The following UBR3 variants were observed in gnomAD, a reference collection of about 807,000 sequenced individuals.
UBR3 encodes the protein E3 ubiquitin-protein ligase UBR3.
UBR3 carries 85 observed loss-of-function variants against 243.2 expected under a neutral mutation model. The observed-to-expected ratio is 0.35, with a 90% CI of 0.29 to 0.42. The LOEUF (loss-of-function observed/expected upper bound fraction) is 0.42, where lower values mean the gene tolerates loss of function less well. UBR3 is among the 10% of genes least tolerant of loss of function. The pLI is 1.00. For synonymous variants in UBR3, 748 were observed against 799.8 expected (o/e 0.94, Z 1.09); for missense variants, 1,686 against 2,300.8 (o/e 0.73, Z 5.47).
intron 24 of UBR3, among the ~76,000 whole-genome samples, chr2:169,983,596 G>C (rs1228029746): frequency 6.6e-6 from 1 of 152,066 alleles, no homozygotes; most frequent in African/African-American, 2.4e-5. Flanking sequence ...GTCAAGGCCA[G>C]CTGATATTCA....
At chr2:169,907,185 C>T (rs1192158766) in intron 10 of UBR3, among the ~76,000 whole-genome samples, 1 of 151,692 alleles carries the variant, frequency 6.6e-6, no homozygotes, top group Non-Finnish European at 1.5e-5. Flanking sequence ...TACAGGTGTG[C>T]ACCGGCACAC....
chr2:169,867,977 T>A (rs1277076917), intron 1 of UBR3, among the ~76,000 whole-genome samples: 2 of 152,198 alleles, frequency 1.3e-5, no homozygotes, highest in African/African-American at 4.8e-5. Flanking sequence ...ATTTAAAACA[T>A]ATATAAAAGC....
At chr2:169,902,643 T>G (rs2084872784) in intron 8 of UBR3, among the ~76,000 whole-genome samples, 1 of 149,500 alleles carries the variant, frequency 6.7e-6, no homozygotes, top group African/African-American at 2.5e-5. Flanking sequence ...GGAGCCTTGC[T>G]CTGTCACTTA....
At position 170,016,276 on chromosome 2, in the gene UBR3, G is replaced by A. The variant is rs2090234282; in HGVS notation, c.4453+910G>A. ...ATTTCTAACATAAAAGCAAACTTAT[G>A]TGAAATTTTAACTTGGTTATCTTTA... is the stretch of plus-strand genomic sequence containing the variant. On this transcript the variant is annotated intron_variant, in intron 30 of 38. Transcript: ENST00000272793. Among the ~76,000 whole-genome samples the A allele has an allele frequency of 2.0e-5, 3 of 151,940 alleles. No homozygotes were observed. The South Asian group carries it at 6.2e-4, about 31-fold the overall frequency.
chr2:169,956,203 ACTCTCTCTCT>A (rs34139919), intron 23 of UBR3, among the ~76,000 whole-genome samples: 2 of 145,888 alleles, frequency 1.4e-5, no homozygotes, highest in Non-Finnish European at 3.0e-5. Flanking sequence ...GACACCTATA[ACTCTCTCTCT>A]CTCTCTCTCT....
chr2:169,866,256 CAA>C (rs143250064), intron 1 of UBR3, among the ~76,000 whole-genome samples: 239 of 113,286 alleles, frequency 2.1e-3, no homozygotes, highest in East Asian at 6.6e-3. Flanking sequence ...GACTGTGTCT[CAA>C]AAAAAAAAAA....
intron 32 of UBR3, among the ~76,000 whole-genome samples, chr2:170,053,342 G>C (rs763020287): frequency 6.6e-6 from 1 of 152,098 alleles, no homozygotes; most frequent in Non-Finnish European, 1.5e-5. Context: ...AAAAACCTTG[G>C]GCACTGAGTC....
chr2:169,976,785 T>TA (rs2088468854), intron 24 of UBR3, among the ~76,000 whole-genome samples: 1 of 152,176 alleles, frequency 6.6e-6, no homozygotes, highest in Non-Finnish European at 1.5e-5. Flanking sequence ...TTCTTGGATC[T>TA]AGATGTCCAT....
intron 11 of UBR3, among the ~76,000 whole-genome samples, chr2:169,918,106 G>A (rs1248380022): frequency 2.0e-5 from 3 of 152,130 alleles, no homozygotes; most frequent in Admixed American, 6.6e-5. Context: ...CTATTGTTAT[G>A]TAGCAAGTTA....
intron 1 of UBR3, among the ~76,000 whole-genome samples, chr2:169,860,699 A>C (rs1464823670): frequency 6.6e-6 from 1 of 152,182 alleles, no homozygotes; most frequent in Admixed American, 6.5e-5. Context: ...TGTCTTAGGA[A>C]AAATAGCCTT....
chr2:170,073,280 T>C lies in UBR3; in HGVS notation c.5020-148T>C, dbSNP rs574940196. Reference sequence around the variant, plus strand: ...CAGCTAGGAACCTTTTTCTCTCTTGTTTCTCTTACTCCCTTCACTTTTTTT... The same window carrying C: ...CAGCTAGGAACCTTTTTCTCTCTTGCTTCTCTTACTCCCTTCACTTTTTTT... On this transcript the variant is annotated intron_variant, in intron 35 of 38. Transcript: ENST00000272793. 7 of 786,230 alleles carry C rather than the reference T, an allele frequency of 8.9e-6. 1 individual carries two copies. The Admixed American group carries it at 2.0e-4, about 23-fold the overall frequency. The allele number at this position is 786,230 out of a possible 1,614,324, so 48.7% of individuals were successfully genotyped here.
At position 170,013,342 on chromosome 2, in the gene UBR3, C is replaced by T. The variant is rs80133479; in HGVS notation, c.4368-1939C>T. Among the ~76,000 whole-genome samples, 333 of 152,142 alleles carry T rather than the reference C, an allele frequency of 2.2e-3. 2 individuals carry two copies. The highest frequency in any genetic ancestry group is 6.6e-3 in the African/African-American group (274 of 41,502). Reference sequence around the variant, plus strand: ...AGATATTGCTGGATACAGTGGTGTGCGCCTATTCCTGGATACTTGGGAGGC... The same window carrying T: ...AGATATTGCTGGATACAGTGGTGTGTGCCTATTCCTGGATACTTGGGAGGC... On this transcript the variant is annotated intron_variant, in intron 29 of 38. Coordinates refer to ENST00000272793, the MANE Select transcript of UBR3 (RefSeq NM_172070.4).
chr2:169,856,701 G>A (rs1272053391), intron 1 of UBR3, among the ~76,000 whole-genome samples: 1 of 152,160 alleles, frequency 6.6e-6, no homozygotes, highest in African/African-American at 2.4e-5. Context: ...GCATGGCGGC[G>A]CGCGCCTGCA....
At chr2:169,878,289 A>T (rs186756589) in intron 4 of UBR3, among the ~76,000 whole-genome samples, 344 of 152,044 alleles carry the variant, frequency 2.3e-3, no homozygotes, top group Non-Finnish European at 3.4e-3. Context: ...TGAATCTGAG[A>T]AGTGGAGGTT....
intron 1 of UBR3, among the ~76,000 whole-genome samples, chr2:169,835,326 TC>T (rs1357437398): frequency 6.6e-6 from 1 of 152,072 alleles, no homozygotes; most frequent in Non-Finnish European, 1.5e-5. Flanking sequence ...CTGGGAATAG[TC>T]ACTGCACTCC....
intron 24 of UBR3, among the ~76,000 whole-genome samples, chr2:169,976,849 T>G (rs2088471429): frequency 6.6e-6 from 1 of 152,180 alleles, no homozygotes; most frequent in Non-Finnish European, 1.5e-5. Flanking sequence ...CTATGCCATT[T>G]TTATCTCTTC....
chr2:169,941,813 A>G (rs2086602410), intron 19 of UBR3, among the ~76,000 whole-genome samples: 1 of 152,206 alleles, frequency 6.6e-6, no homozygotes, highest in African/African-American at 2.4e-5. Context: ...ACAAGTTCAT[A>G]ATTATCTTCT....
chr2:169,911,983 T>C (rs2085270925), intron 10 of UBR3, among the ~76,000 whole-genome samples: 1 of 152,110 alleles, frequency 6.6e-6, no homozygotes, highest in Admixed American at 6.6e-5. Flanking sequence ...TCGGTCTGGA[T>C]TGTGGCAATG....
chr2:169,868,984 T>C (rs1056626801), intron 1 of UBR3, among the ~76,000 whole-genome samples: 8 of 152,170 alleles, frequency 5.3e-5, no homozygotes, highest in Admixed American at 2.6e-4. Flanking sequence ...TTGTCCTGTA[T>C]AATGTCTCAC....
Sources: allele counts gnomAD v4.1 joint callset (sites outside exome capture counted in the v4.1 genomes callset), GRCh38; gene constraint gnomAD v4.1.1; transcripts MANE v1.5; gene names NCBI Gene and HGNC (gene_info 2026-07-23, HGNC 2026-07-21).